Variants in NXPE2 observed in about 807,000 individuals in gnomAD.
NXPE2 encodes neurexophilin and PC-esterase domain family member 2.
Under a neutral mutation model 34.4 loss-of-function variants are expected in NXPE2, and 34 were observed. That is an observed-to-expected ratio of 0.99 (90% CI 0.75 to 1.31). The LOEUF (loss-of-function observed/expected upper bound fraction) is 1.31. Ranked by LOEUF, NXPE2 falls within the 40% of genes most tolerant of loss-of-function variation. The probability of loss-of-function intolerance (pLI) is 0.00; values close to 1 mark genes in which losing one functional copy is unlikely to be tolerated. For synonymous variants in NXPE2, 235 were observed against 231.3 expected, an observed-to-expected ratio of 1.02 and a Z score of -0.15; for missense variants, 649 against 672.5, an observed-to-expected ratio of 0.97 and a Z score of 0.39.
chr11:114,646,031 GC>G, the NXPE2 span, among the ~76,000 whole-genome samples: 1 of 152,172 alleles, frequency 6.6e-6, no homozygotes, highest in East Asian at 1.9e-4. Flanking sequence ...TCTTGATTTT[GC>G]TAGGTTAAAT....
At chr11:114,750,408 T>C in the NXPE2 span, among the ~76,000 whole-genome samples, 1 of 152,234 alleles carries the variant, frequency 6.6e-6, no homozygotes, top group African/African-American at 2.4e-5. Context: ...GATCCTTGCC[T>C]TTAGGTAATA....
At chr11:114,543,516 G>A in the NXPE2 span, among the ~76,000 whole-genome samples, 580 of 93,008 alleles carry the variant, frequency 6.2e-3, 5 homozygotes, top group African/African-American at 0.038. Context: ...GTGAGACCCT[G>A]TTTAAAAAAA....
At chr11:114,728,384 G>A in the NXPE2 span, among the ~76,000 whole-genome samples, 1 of 152,078 alleles carries the variant, frequency 6.6e-6, no homozygotes, top group Admixed American at 6.6e-5. Flanking sequence ...GTTCCTCACA[G>A]ATGAATCACA....
At chr11:114,610,324 G>T in the NXPE2 span, among the ~76,000 whole-genome samples, 4 of 151,808 alleles carry the variant, frequency 2.6e-5, no homozygotes, top group East Asian at 7.8e-4. Flanking sequence ...GTTATCCGGT[G>T]AATAATAAGT....
Position 114,696,287 on chromosome 11 carries a change from G to T in NXPE2, c.133-1758G>T, listed in dbSNP as rs1951250858. On this transcript the variant is annotated intron_variant, in intron 2 of 5. Transcript: ENST00000389586. ...GTCAAGGATCCAGTGAGCTGTGATTGTGCCACTGCAATCCAGCCTAGGTGA... is the reference window on the plus strand; with the variant it reads ...GTCAAGGATCCAGTGAGCTGTGATTTTGCCACTGCAATCCAGCCTAGGTGA... Among the ~76,000 whole-genome samples the T allele has an allele frequency of 9.8e-5, 14 of 142,770 alleles. No individual in the cohort carries two copies. In the Admixed American group the frequency reaches 1.0e-3, roughly 11 times the overall value. 93.7% of individuals were successfully genotyped at this position (142,770 alleles called of 152,430 possible).
At chr11:114,771,974 C>G in the NXPE2 span, among the ~76,000 whole-genome samples, 347 of 152,340 alleles carry the variant, frequency 2.3e-3, 3 homozygotes, top group East Asian at 0.037. Flanking sequence ...TCCCTTGACA[C>G]TTGGTCCTTG....
At chr11:114,645,554 T>C in the NXPE2 span, among the ~76,000 whole-genome samples, 1 of 152,126 alleles carries the variant, frequency 6.6e-6, no homozygotes, top group Non-Finnish European at 1.5e-5. Flanking sequence ...ATTTTTGAAT[T>C]TCAGTGCAAT....
At chr11:114,477,971 T>C in the NXPE2 span, among the ~76,000 whole-genome samples, 1 of 152,100 alleles carries the variant, frequency 6.6e-6, no homozygotes, top group African/African-American at 2.4e-5. Flanking sequence ...GTAAAACAGT[T>C]TCACATCCCT....
the NXPE2 span, chr11:114,570,839 C>T: frequency 1.3e-6 from 1 of 756,546 alleles, no homozygotes; most frequent in Non-Finnish European, 2.1e-6. Flanking sequence ...TCTGCTCTTG[C>T]TAGTTGGGAA....
At chr11:114,723,850 G>C in the NXPE2 span, among the ~76,000 whole-genome samples, 6 of 152,140 alleles carry the variant, frequency 3.9e-5, no homozygotes, top group Non-Finnish European at 7.4e-5. Flanking sequence ...GAAGAAGGAA[G>C]GACATATGGA....
chr11:114,796,567 T>C, the NXPE2 span, among the ~76,000 whole-genome samples: 2 of 152,232 alleles, frequency 1.3e-5, no homozygotes, highest in African/African-American at 4.8e-5. Context: ...TATGTAATAA[T>C]AGTAAACCAA....
the NXPE2 span, among the ~76,000 whole-genome samples, chr11:114,604,452 G>A: frequency 1.4e-4 from 22 of 151,966 alleles, no homozygotes; most frequent in Non-Finnish European, 2.6e-4. Flanking sequence ...TGGACACTAA[G>A]TATTGCCTTG....
At chr11:114,777,570 C>A in the NXPE2 span, among the ~76,000 whole-genome samples, 1 of 152,136 alleles carries the variant, frequency 6.6e-6, no homozygotes, top group Non-Finnish European at 1.5e-5. Context: ...CAGGATGAGG[C>A]ATTTCCATGA....
the NXPE2 span, among the ~76,000 whole-genome samples, chr11:114,618,908 A>G: frequency 6.6e-6 from 1 of 151,798 alleles, no homozygotes; most frequent in East Asian, 2.0e-4. Flanking sequence ...GATAATAAGG[A>G]CTGTCTCATG....
chr11:114,706,790 A>T lies in NXPE2; in HGVS notation c.1540A>T (p.Ile514Leu), dbSNP rs1951484593. The change falls in exon 6 of 6, where the codon ATA (isoleucine) becomes TTA (leucine). Residue 514 changes from isoleucine to leucine, a missense_variant. Physicochemically the swap from Ile to Leu is conservative, Grantham distance 5. Transcript: ENST00000389586. ...DFHGYIQNLIIRDIFVDLNVG... is the reference protein window; with the variant it reads ...DFHGYIQNLILRDIFVDLNVG... ...TCATGGCTATATTCAGAATCTTATC[A>T]TAAGAGATATTTTTGTGGATCTTAA... The T allele has an allele frequency of 6.4e-7, 1 of 1,552,272 alleles. No individual in the cohort carries two copies. Among genetic ancestry groups the T allele is most frequent in the African/African-American group, 1.4e-5 (1 of 73,060 alleles).
chr11:114,731,600 T>C, the NXPE2 span, among the ~76,000 whole-genome samples: 1 of 152,182 alleles, frequency 6.6e-6, no homozygotes, highest in Non-Finnish European at 1.5e-5. Context: ...AGGATGATGT[T>C]GATTTTTAAA....
intron 2 of NXPE2, among the ~76,000 whole-genome samples, chr11:114,683,347 A>T (rs1043037869): frequency 2.0e-5 from 3 of 151,974 alleles, no homozygotes; most frequent in Admixed American, 6.6e-5. Flanking sequence ...CTAAAATAAT[A>T]TATGATTTAC....
the NXPE2 span, among the ~76,000 whole-genome samples, chr11:114,797,374 C>CCCACCTTCTTCTATTTTCTCTCCTT: frequency 6.6e-6 from 1 of 152,084 alleles, no homozygotes; most frequent in Non-Finnish European, 1.5e-5. Flanking sequence ...TAGCTGACAC[C>CCCACCTTCTTCTATTTTCTCTCCTT]CCACCTTCTT....
chr11:114,708,845 T>A (rs1565394019), downstream of NXPE2, among the ~76,000 whole-genome samples: 1 of 152,150 alleles, frequency 6.6e-6, no homozygotes, highest in Admixed American at 6.5e-5. Flanking sequence ...CTTAAATGAG[T>A]TATCGTTTTC....
Sources: allele counts gnomAD v4.1 joint callset (sites outside exome capture counted in the v4.1 genomes callset), GRCh38; gene constraint gnomAD v4.1.1; transcripts MANE v1.5; gene names NCBI Gene and HGNC (gene_info 2026-07-23, HGNC 2026-07-21).